Variants in DUSP22 observed in about 807,000 individuals in gnomAD.
DUSP22 encodes dual specificity phosphatase 22, also known as dual specificity protein phosphatase 22.
In DUSP22, 24 loss-of-function variants were observed where a neutral mutation model predicts 24.5. The ratio of observed to expected loss-of-function variants is 0.98; its 90% CI spans 0.71 to 1.38. The LOEUF (loss-of-function observed/expected upper bound fraction) is 1.38. Among genes scored for constraint, DUSP22 ranks in the 40% most tolerant of loss-of-function variants. The pLI, the probability that DUSP22 is intolerant of heterozygous loss-of-function variation, is 0.00. For missense variants in DUSP22, 330 were observed against 269.2 expected, an observed-to-expected ratio of 1.23 and a Z score of -1.58; for synonymous variants, 160 against 106.4, an observed-to-expected ratio of 1.50 and a Z score of -3.10.
chr6:307,973 C>G (rs1217734205), intron 2 of DUSP22, among the ~76,000 whole-genome samples: 5 of 152,310 alleles, frequency 3.3e-5, no homozygotes, highest in Non-Finnish European at 7.3e-5. Context: ...CACATGAATT[C>G]TAACTGATAA....
At chr6:338,338 C>A (rs575629910) in intron 4 of DUSP22, among the ~76,000 whole-genome samples, 2 of 152,418 alleles carry the variant, frequency 1.3e-5, no homozygotes, top group African/African-American at 4.8e-5. Context: ...TTACCTGTTA[C>A]AAGTGTTCTA....
intron 2 of DUSP22, among the ~76,000 whole-genome samples, chr6:309,964 T>G (rs6900083): frequency 0.031 from 4,742 of 150,644 alleles, 2 homozygotes; most frequent in East Asian, 0.11. Flanking sequence ...TGTTTGGTTT[T>G]GTTTTGTTTT....
intron 1 of DUSP22, among the ~76,000 whole-genome samples, chr6:294,515 AATAAT>A (rs1757239161): frequency 6.6e-6 from 1 of 152,294 alleles, no homozygotes; most frequent in Non-Finnish European, 1.5e-5. Context: ...AATTAATTTT[AATAAT>A]ATATTTTATT....
chr6:348,982 G>A lies in DUSP22; in HGVS notation c.*31G>A, dbSNP rs566855629. On this transcript the variant is annotated 3_prime_UTR_variant, in exon 7 of 7. Coordinates refer to ENST00000419235, the MANE Select transcript of DUSP22 (RefSeq NM_001286555.3). Reference sequence around the variant, plus strand: ...GCGACCTGCTGCCTTCCTTCCCACTGCTTGTCTTCAGTGTGCCCGGCTGGG... The same window carrying A: ...GCGACCTGCTGCCTTCCTTCCCACTACTTGTCTTCAGTGTGCCCGGCTGGG... 5.1e-6 allele frequency: 8 copies of A among 1,557,320 alleles called. No individual in the cohort carries two copies. In the African/African-American group the frequency reaches 8.2e-5, roughly 16 times the overall value.
chr6:300,191 T>G (rs1490182230), intron 1 of DUSP22, among the ~76,000 whole-genome samples: 1 of 152,302 alleles, frequency 6.6e-6, no homozygotes, highest in Non-Finnish European at 1.5e-5. Flanking sequence ...AGCCTGGAAT[T>G]TGGGGGCCCT....
chr6:292,638 G>T, intron 1 of DUSP22, 78 bp downstream of exon 1: 1 of 1,540,528 alleles, frequency 6.5e-7, no homozygotes, highest in Non-Finnish European at 8.7e-7. Context: ...GCTGCCCGAC[G>T]ACTCGAGCCC....
intron 3 of DUSP22, among the ~76,000 whole-genome samples, chr6:322,935 C>G (rs1483133500): frequency 3.3e-5 from 5 of 152,256 alleles, no homozygotes; most frequent in African/African-American, 1.2e-4. Flanking sequence ...TCTCTGGGCA[C>G]CATTGTTGTT....
At chr6:324,385 C>T (rs1315943171) in intron 3 of DUSP22, among the ~76,000 whole-genome samples, 2 of 152,310 alleles carry the variant, frequency 1.3e-5, no homozygotes, top group Admixed American at 6.5e-5. Flanking sequence ...CGCTCTCCCA[C>T]CCACACCTGC....
At position 348,959 on chromosome 6, in the gene DUSP22, G is replaced by A. The variant is rs763240122; in HGVS notation, c.*8G>A. 3.8e-4 allele frequency: 604 copies of A among 1,574,460 alleles called. No homozygotes were observed. The highest frequency in any genetic ancestry group is 4.8e-4 in the Non-Finnish European group (561 of 1,159,326). On this transcript the variant is annotated 3_prime_UTR_variant, in exon 7 of 7. Coordinates refer to ENST00000419235, the MANE Select transcript of DUSP22 (RefSeq NM_001286555.3). ...TATACGACGGAGACCTAACGCAAGC[G>A]ACCTGCTGCCTTCCTTCCCACTGCT...
intron 2 of DUSP22, among the ~76,000 whole-genome samples, chr6:308,339 T>C (rs1400316664): frequency 1.3e-5 from 2 of 152,300 alleles, no homozygotes; most frequent in African/African-American, 4.8e-5. Flanking sequence ...TCGCTGCTCA[T>C]GATTGTAGGT....
At chr6:324,965 C>T (rs1368903880) in intron 3 of DUSP22, among the ~76,000 whole-genome samples, 1 of 152,310 alleles carries the variant, frequency 6.6e-6, no homozygotes, top group Admixed American at 6.5e-5. Flanking sequence ...GTGTTTAAGG[C>T]AGGCTGCCGC....
chr6:298,368 A>T (rs1330831546), intron 1 of DUSP22, among the ~76,000 whole-genome samples: 1 of 152,296 alleles, frequency 6.6e-6, no homozygotes, highest in Non-Finnish European at 1.5e-5. Flanking sequence ...TGACATAGAA[A>T]GAATTAAGAT....
At chr6:346,429 GACACACAC>G (rs10642379) in intron 5 of DUSP22, among the ~76,000 whole-genome samples, 22 of 151,312 alleles carry the variant, frequency 1.5e-4, no homozygotes, top group African/African-American at 4.4e-4. Flanking sequence ...ATTTTGTGTA[GACACACAC>G]ACACACACAC....
chr6:344,499 C>T (rs1027609066), intron 4 of DUSP22, among the ~76,000 whole-genome samples: 7 of 152,304 alleles, frequency 4.6e-5, no homozygotes, highest in African/African-American at 1.2e-4. Context: ...CATTTTGCCC[C>T]GGCTGGTCTC....
At chr6:304,078 C>T (rs111634540) in intron 1 of DUSP22, among the ~76,000 whole-genome samples, 5,191 of 150,410 alleles carry the variant, frequency 0.035, no homozygotes, top group African/African-American at 0.11. Flanking sequence ...CAACAGGATT[C>T]GTTTGCTGCC....
At chr6:294,120 A>T (rs138065678) in intron 1 of DUSP22, among the ~76,000 whole-genome samples, 252 of 152,342 alleles carry the variant, frequency 1.7e-3, no homozygotes, top group Non-Finnish European at 3.0e-3. Flanking sequence ...AGGAATACAG[A>T]TGGTTGCCTA....
In DUSP22 at chr6:292,586, G is replaced by C. The variant is rs548791403; in HGVS notation, c.21+26G>C. 66 of 1,591,726 alleles carry C rather than the reference G, an allele frequency of 4.1e-5. No individual in the cohort carries two copies. In the Admixed American group the frequency reaches 9.2e-4, roughly 22 times the overall value. On this transcript the variant is annotated intron_variant, in intron 1 of 6. Coordinates refer to ENST00000419235, the MANE Select transcript of DUSP22 (RefSeq NM_001286555.3). ...GTAACGTCTTCCCTCGTTCGCGCTGGGTTTGCCTCCGCTCCGACGCCCTGC... is the reference window on the plus strand; with the variant it reads ...GTAACGTCTTCCCTCGTTCGCGCTGCGTTTGCCTCCGCTCCGACGCCCTGC...
At chr6:299,098 G>C (rs1757468788) in intron 1 of DUSP22, among the ~76,000 whole-genome samples, 1 of 152,308 alleles carries the variant, frequency 6.6e-6, no homozygotes, top group African/African-American at 2.4e-5. Flanking sequence ...CACCAATTCT[G>C]TGCTTATTAC....
chr6:350,734 G>C lies in DUSP22; in HGVS notation c.*1783G>C. The C allele has an allele frequency of 6.2e-7, 1 of 1,611,936 alleles. No individual in the cohort carries two copies. The highest frequency in any genetic ancestry group is 8.5e-7 in the Non-Finnish European group (1 of 1,179,018). ...GGATATAGCTTGAATGCTTAAATAT[G>C]TGCACCTTTACAAACCTCTCAGTGT... is the stretch of plus-strand genomic sequence containing the variant. On this transcript the variant is annotated 3_prime_UTR_variant, in exon 7 of 7. Coordinates refer to ENST00000419235, the MANE Select transcript of DUSP22 (RefSeq NM_001286555.3).
Sources: allele counts gnomAD v4.1 joint callset (sites outside exome capture counted in the v4.1 genomes callset), GRCh38; gene constraint gnomAD v4.1.1; transcripts MANE v1.5; gene names NCBI Gene and HGNC (gene_info 2026-07-23, HGNC 2026-07-21).